The following BLTP1 variants were observed in gnomAD, a reference collection of about 807,000 sequenced individuals.
The protein encoded by BLTP1 is fragile site-associated protein.
chr4:122,282,398 T>G, the BLTP1 span, among the ~76,000 whole-genome samples: 1 of 152,060 alleles, frequency 6.6e-6, no homozygotes, highest in African/African-American at 2.4e-5. Flanking sequence ...TCCCAGTACT[T>G]TGGGAGGCTG....
At chr4:122,347,721 A>G in the BLTP1 span, 9 of 1,613,662 alleles carry the variant, frequency 5.6e-6, no homozygotes, top group Non-Finnish European at 7.6e-6. Flanking sequence ...GACAGAGCCT[A>G]AAATCCCCAG....
chr4:122,330,452 TTTTGG>T, the BLTP1 span, among the ~76,000 whole-genome samples: 7,216 of 152,000 alleles, frequency 0.047, 235 homozygotes, highest in East Asian at 0.14. Flanking sequence ...TTCATTGTGG[TTTTGG>T]TTTGCATTTC....
the BLTP1 span, among the ~76,000 whole-genome samples, chr4:122,231,424 A>G: frequency 6.6e-6 from 1 of 151,822 alleles, no homozygotes; most frequent in African/African-American, 2.4e-5. Context: ...TCACTTGTGA[A>G]TTGAATGTTT....
chr4:122,328,870 T>A, the BLTP1 span: 1 of 536,578 alleles, frequency 1.9e-6, no homozygotes, highest in Non-Finnish European at 2.4e-6. Context: ...GCGGCAAGGA[T>A]CTTTGGAACT....
chr4:122,318,048 A>G, the BLTP1 span: 2 of 1,278,740 alleles, frequency 1.6e-6, no homozygotes, highest in Non-Finnish European at 1.1e-6. Flanking sequence ...GTATATAATC[A>G]TCTTTGGTAT....
At chr4:122,201,754 G>T in the BLTP1 span, 1 of 311,754 alleles carries the variant, frequency 3.2e-6, no homozygotes, top group Non-Finnish European at 4.7e-6. Context: ...CCATAAAGTT[G>T]GTCTAATTTG....
the BLTP1 span, among the ~76,000 whole-genome samples, chr4:122,211,636 G>A: frequency 6.6e-6 from 1 of 152,100 alleles, no homozygotes; most frequent in Non-Finnish European, 1.5e-5. Flanking sequence ...AAATAAATAT[G>A]CACTAATGCT....
the BLTP1 span, among the ~76,000 whole-genome samples, chr4:122,278,113 C>T: frequency 5.3e-5 from 8 of 151,820 alleles, no homozygotes; most frequent in Non-Finnish European, 8.8e-5. Context: ...ATTTTTAAGT[C>T]GTTTCAGTTC....
chr4:122,318,472 A>C, the BLTP1 span, among the ~76,000 whole-genome samples: 9 of 152,348 alleles, frequency 5.9e-5, no homozygotes, highest in East Asian at 1.7e-3. Flanking sequence ...AATTTGACCA[A>C]AGTTATACAG....
At chr4:122,268,293 T>C in the BLTP1 span, among the ~76,000 whole-genome samples, 2 of 150,878 alleles carry the variant, frequency 1.3e-5, no homozygotes, top group Admixed American at 1.3e-4. Flanking sequence ...AAGAGTAGTT[T>C]GAATGGTCCT....
chr4:122,227,229 C>T, the BLTP1 span: 1 of 990,210 alleles, frequency 1.0e-6, no homozygotes, highest in Non-Finnish European at 1.2e-6. Context: ...TGCCGTTTCT[C>T]CCATAATGTA....
chr4:122,316,667 G>A, the BLTP1 span: 1 of 1,562,908 alleles, frequency 6.4e-7, no homozygotes, highest in South Asian at 1.2e-5. Flanking sequence ...TGTTAATTTT[G>A]TGATAGTATA....
chr4:122,237,058 T>C, the BLTP1 span: 2 of 984,708 alleles, frequency 2.0e-6, no homozygotes, highest in Non-Finnish European at 2.4e-6. Flanking sequence ...TCTTTTGACT[T>C]TCATTGCTCT....
At chr4:122,331,029 T>A in the BLTP1 span, 1 of 964,412 alleles carries the variant, frequency 1.0e-6, no homozygotes, top group Non-Finnish European at 1.2e-6. Flanking sequence ...AATGTTATAA[T>A]TTGAGAAAAT....
At chr4:122,210,127 A>C in the BLTP1 span, 1 of 407,984 alleles carries the variant, frequency 2.5e-6, no homozygotes, top group Non-Finnish European at 3.3e-6. Flanking sequence ...TCTGGCTTCT[A>C]TTATCTTCTA....
the BLTP1 span, chr4:122,287,676 T>C: frequency 3.0e-6 from 3 of 985,124 alleles, no homozygotes; most frequent in Non-Finnish European, 3.6e-6. Flanking sequence ...GATAGAAATA[T>C]TATAACTGCG....
the BLTP1 span, chr4:122,328,231 G>C: frequency 6.2e-7 from 1 of 1,611,230 alleles, no homozygotes; most frequent in South Asian, 1.1e-5. Context: ...TTTTCACCAG[G>C]CATTCCTTTC....
At chr4:122,314,068 G>T in the BLTP1 span, 1 of 972,200 alleles carries the variant, frequency 1.0e-6, no homozygotes, top group Non-Finnish European at 1.2e-6. Flanking sequence ...AAAAAGAAGA[G>T]AATATTTTCA....
chr4:122,270,982 G>GA, the BLTP1 span: 5 of 1,526,200 alleles, frequency 3.3e-6, no homozygotes, highest in South Asian at 6.5e-5. Flanking sequence ...AAAAATGGAA[G>GA]AAAAACCGTG....
Sources: allele counts gnomAD v4.1 joint callset (sites outside exome capture counted in the v4.1 genomes callset), GRCh38; gene constraint gnomAD v4.1.1; transcripts MANE v1.5; gene names NCBI Gene and HGNC (gene_info 2026-07-23, HGNC 2026-07-21).